Variants in RAPGEF1 observed in about 807,000 individuals in gnomAD.
RAPGEF1 encodes Rap guanine nucleotide exchange factor 1, also known as CRK SH3-binding GNRP.
A neutral mutation model predicts 143.3 loss-of-function variants in RAPGEF1; 33 were observed. The observed-to-expected ratio is 0.23, with a 90% CI of 0.17 to 0.31. The LOEUF is 0.31. Among genes scored for constraint, RAPGEF1 ranks in the 10% least tolerant of loss-of-function variants. RAPGEF1 has a pLI of 1.00. For synonymous variants in RAPGEF1, 629 were observed against 676.5 expected (o/e 0.93, Z 1.09); for missense variants, 1,199 against 1,645.4 (o/e 0.73, Z 4.69).
chr9:131,627,384 A>T (rs1273443484), intron 9 of RAPGEF1, among the ~76,000 whole-genome samples: 1 of 152,134 alleles, frequency 6.6e-6, no homozygotes, highest in East Asian at 1.9e-4. Flanking sequence ...CTTGCTATTA[A>T]TCACTGATTA....
At chr9:131,691,361 A>T (rs1833768418) in intron 1 of RAPGEF1, among the ~76,000 whole-genome samples, 1 of 152,176 alleles carries the variant, frequency 6.6e-6, no homozygotes, top group Admixed American at 6.5e-5. Context: ...ACCGTGAAAA[A>T]GAGAAACATT....
rs3818582 is a variant in RAPGEF1, at chr9:131,590,007, G to A, written c.2775-29C>T. 1.4e-5 allele frequency: 22 copies of A among 1,597,102 alleles called. No homozygotes were observed. The East Asian group carries it at 4.7e-4, about 34-fold the overall frequency. On this transcript the variant is annotated intron_variant, in intron 18 of 26. Transcript: ENST00000683357. ...GAGCACGGGTTAAAGAAATAGCCATGTGGTCGGCTGAGGGTGGTGGAGTGG... is the reference window on the plus strand; with the variant it reads ...GAGCACGGGTTAAAGAAATAGCCATATGGTCGGCTGAGGGTGGTGGAGTGG...
Position 131,621,690 on chromosome 9 carries a change from G to A in RAPGEF1, c.1905+106C>T, listed in dbSNP as rs2132858813. 1.7e-6 allele frequency: 2 copies of A among 1,206,798 alleles called. No homozygotes were observed. The highest frequency in any genetic ancestry group is 2.8e-4 in the Middle Eastern group (1 of 3,586). The allele number at this position is 1,206,798 out of a possible 1,614,324, so 74.8% of individuals were successfully genotyped here. On this transcript the variant is annotated intron_variant, in intron 11 of 26. Coordinates refer to ENST00000683357, the MANE Select transcript of RAPGEF1 (RefSeq NM_001377935.1). The surrounding 1 kb of genome is among the most constrained non-coding windows in gnomAD (Gnocchi z 4.5). ...CTTCCACGCCCAAAACCAGGGCCCT[G>A]CCACAGCAGGGAGGAGGGTTAACCC...
chr9:131,713,512 G>T (rs550819683), intron 1 of RAPGEF1, among the ~76,000 whole-genome samples: 1 of 152,338 alleles, frequency 6.6e-6, no homozygotes, highest in African/African-American at 2.4e-5. Context: ...TTGAAGGCCA[G>T]CTGGCCTGGT....
intron 1 of RAPGEF1, among the ~76,000 whole-genome samples, chr9:131,692,774 A>G (rs1326376767): frequency 1.3e-5 from 2 of 152,212 alleles, no homozygotes; most frequent in Non-Finnish European, 2.9e-5. Flanking sequence ...CAGAGACTTG[A>G]TGAAAAAACG....
intron 12 of RAPGEF1, among the ~76,000 whole-genome samples, chr9:131,608,096 C>A (rs1405109486): frequency 6.6e-6 from 1 of 152,218 alleles, no homozygotes; most frequent in Non-Finnish European, 1.5e-5. Flanking sequence ...GACTGAAGTT[C>A]TTGAGCCTCA....
intron 1 of RAPGEF1, among the ~76,000 whole-genome samples, chr9:131,705,620 C>T (rs908482112): frequency 6.6e-6 from 1 of 152,114 alleles, no homozygotes; most frequent in African/African-American, 2.4e-5. Context: ...ACAAATGAGT[C>T]AGATTTCTCG....
At chr9:131,674,854 A>G (rs1344198731) in intron 1 of RAPGEF1, among the ~76,000 whole-genome samples, 1 of 152,156 alleles carries the variant, frequency 6.6e-6, no homozygotes, top group Non-Finnish European at 1.5e-5. Flanking sequence ...GACCTGAAGC[A>G]TCGCTACCGA....
chr9:131,599,110 A>T (rs1588315162), intron 15 of RAPGEF1, among the ~76,000 whole-genome samples: 1 of 147,542 alleles, frequency 6.8e-6, no homozygotes, highest in South Asian at 2.1e-4. Context: ...GGTGTGAGCC[A>T]CCGTGCCCAG....
At chr9:131,737,468 T>C in intron 1 of RAPGEF1, 1 of 1,613,698 alleles carries the variant, frequency 6.2e-7, no homozygotes. Context: ...CTGTGCTAGG[T>C]TAGACAAGCT....
chr9:131,739,734 C>A, intron 1 of RAPGEF1, 36 bp downstream of exon 1: 1 of 1,103,094 alleles, frequency 9.1e-7, no homozygotes. Flanking sequence ...AGGGCCGGGC[C>A]CGGCCGGAGG....
chr9:131,707,438 T>TA (rs1338881798), intron 1 of RAPGEF1, among the ~76,000 whole-genome samples: 2 of 152,202 alleles, frequency 1.3e-5, no homozygotes, highest in Non-Finnish European at 2.9e-5. Flanking sequence ...CCTGTTTTTT[T>TA]ATTTTGATTT....
rs1832124166 is a variant in RAPGEF1, at chr9:131,675,230, G to T, written c.62-24281C>A. Among the ~76,000 whole-genome samples, 1 of 152,182 alleles carries T rather than the reference G, an allele frequency of 6.6e-6. No homozygotes were observed. The highest frequency in any genetic ancestry group is 1.5e-5 in the Non-Finnish European group (1 of 68,032). ...GTGGGGATGAGGCACGGACCGAGGG[G>T]AAAATGCTCCCAGCAGAGGGATGAG... On this transcript the variant is annotated intron_variant, in intron 1 of 26. Coordinates refer to ENST00000683357, the MANE Select transcript of RAPGEF1 (RefSeq NM_001377935.1). This position sits in a 1 kb window ranked among gnomAD's most constrained non-coding sequence, Gnocchi z 4.6.
At chr9:131,659,019 T>C (rs952510348) in intron 1 of RAPGEF1, among the ~76,000 whole-genome samples, 2 of 152,176 alleles carry the variant, frequency 1.3e-5, no homozygotes, top group African/African-American at 2.4e-5. Context: ...GTGGACAACT[T>C]TGAGGCAGCC....
chr9:131,666,144 T>C lies in RAPGEF1; in HGVS notation c.62-15195A>G, dbSNP rs561240076. 2.2e-3 allele frequency among the ~76,000 whole-genome samples: 332 copies of C among 152,364 alleles called. 1 individual carries two copies. The highest frequency in any genetic ancestry group is 7.3e-3 in the African/African-American group (305 of 41,596). On this transcript the variant is annotated intron_variant, in intron 1 of 26. Coordinates refer to ENST00000683357, the MANE Select transcript of RAPGEF1 (RefSeq NM_001377935.1). Reference sequence around the variant, plus strand: ...AGAGATGTAGATAAGATGGTTTATATGGATTTTTAATATAATTCTCTAAGT... The same window carrying C: ...AGAGATGTAGATAAGATGGTTTATACGGATTTTTAATATAATTCTCTAAGT...
intron 6 of RAPGEF1, among the ~76,000 whole-genome samples, chr9:131,629,473 T>A (rs1457002984): frequency 6.6e-6 from 1 of 152,054 alleles, no homozygotes; most frequent in Non-Finnish European, 1.5e-5. Context: ...AATTTCCTCA[T>A]CTGAAAATGA....
chr9:131,601,726 C>T (rs1052267226), intron 15 of RAPGEF1, among the ~76,000 whole-genome samples: 7 of 151,566 alleles, frequency 4.6e-5, no homozygotes, highest in Admixed American at 3.3e-4. Context: ...GGCAACATAG[C>T]GAGACCTCGT....
chr9:131,601,510 C>T (rs79999127), intron 15 of RAPGEF1, among the ~76,000 whole-genome samples: 3,029 of 152,138 alleles, frequency 0.02, 103 homozygotes, highest in African/African-American at 0.068. Context: ...CATGTGAAGG[C>T]CTTTGCAGGG....
intron 1 of RAPGEF1, among the ~76,000 whole-genome samples, chr9:131,720,550 G>A (rs1589100804): frequency 2.6e-5 from 4 of 152,256 alleles, no homozygotes; most frequent in African/African-American, 4.8e-5. Context: ...GAGAGCCACC[G>A]AACAGGCAGG....
Sources: gnomAD v4.1 joint callset for allele counts (sites outside exome capture counted in the v4.1 genomes callset) on GRCh38, gnomAD v4.1.1 for gene constraint, Gnocchi (gnomAD v3.1) non-coding constraint, MANE v1.5 for transcripts, NCBI Gene and HGNC (gene_info 2026-07-23, HGNC 2026-07-21) for gene names.